The following PKD1 variants were observed in gnomAD, a reference collection of about 807,000 sequenced individuals.
PKD1 encodes the protein polycystin 1, transient receptor potential channel interacting, also known as polycystin-1.
Under a neutral mutation model 361.7 loss-of-function variants are expected in PKD1, and 81 were observed. That is an observed-to-expected ratio of 0.22 (90% confidence interval 0.19 to 0.27). The LOEUF is 0.27. PKD1 is among the 10% of genes least tolerant of loss of function. The probability of loss-of-function intolerance (pLI) is 1.00; values close to 1 mark genes in which losing one functional copy is unlikely to be tolerated. For missense variants in PKD1, 6,399 were observed against 6,118.3 expected, an observed-to-expected ratio of 1.05 and a Z score of -1.53; for synonymous variants, 3,615 against 2,818.3, an observed-to-expected ratio of 1.28 and a Z score of -8.95.
In PKD1 at chr16:2,118,998, C is replaced by G; in HGVS notation, c.359+116G>C. 1.1e-6 allele frequency: 1 copy of G among 909,470 alleles called. No homozygotes were observed. 56.3% of individuals were successfully genotyped at this position (909,470 alleles called of 1,614,324 possible). A position where few individuals can be genotyped will look rare whatever the true frequency, so the allele number is the denominator to read the frequency against. On this transcript the variant is annotated intron_variant, in intron 3 of 45. Transcript: ENST00000262304. This position sits in a 1 kb window ranked among gnomAD's most constrained non-coding sequence, Gnocchi z 6.0. ...TGGGGGGCTCCAAGCAGGCAGTGAA[C>G]TGCCCCCAGGATCTGGTCTCAAGCC...
intron 1 of PKD1, among the ~76,000 whole-genome samples, chr16:2,126,721 C>T (rs535165704): frequency 7.9e-5 from 12 of 152,358 alleles, no homozygotes; most frequent in South Asian, 2.1e-4. Context: ...GCTGGGCTGC[C>T]GTGGCCACTG....
chr16:2,097,627 T>G, intron 32 of PKD1, 101 bp downstream of exon 32: 2 of 1,610,454 alleles, frequency 1.2e-6, no homozygotes, highest in Non-Finnish European at 8.5e-7. Context: ...TGTGACCACA[T>G]GGAGCCACAG....
chr16:2,116,799 A>G, intron 7 of PKD1, 34 bp downstream of exon 7: 2 of 1,315,248 alleles, frequency 1.5e-6, no homozygotes, highest in South Asian at 2.5e-5. Context: ...AACCACAGCC[A>G]GCGTCTCAGG....
rs1041239286 is a variant in PKD1 at position 2,100,053 on chromosome 16, C to T, written c.9731G>A (p.Arg3244His). ...VLAASDAALL[R>H]FRRLLVAELQ... ...CTCAGCCACCAGCAGGCGCCGGAAGCGCAAAAGGGCTGCGTCGCCTAGAAG... is the reference window on the plus strand; with the variant it reads ...CTCAGCCACCAGCAGGCGCCGGAAGTGCAAAAGGGCTGCGTCGCCTAGAAG... Residue 3244 changes from arginine to histidine, a missense_variant, in exon 29 of 46, where the codon CGC becomes CAC. Arg to His is a conservative substitution (Grantham distance 29). Transcript: ENST00000262304. The surrounding 1 kb of genome is among the most constrained non-coding windows in gnomAD (Gnocchi z 4.4). 6.9e-6 allele frequency: 11 copies of T among 1,594,076 alleles called. No individual in the cohort carries two copies. The highest frequency in any genetic ancestry group is 1.8e-5 in the Admixed American group (1 of 56,688).
chr16:2,130,756 C>A (rs1333095494), intron 1 of PKD1, among the ~76,000 whole-genome samples: 1 of 152,240 alleles, frequency 6.6e-6, no homozygotes, highest in East Asian at 1.9e-4. Context: ...TCTGCGCCTG[C>A]TGTCCCTACA....
At chr16:2,097,118 T>C in intron 34 of PKD1, 30 bp downstream of exon 34, 1 of 1,206,962 alleles carries the variant, frequency 8.3e-7, no homozygotes, top group Middle Eastern at 2.7e-4. Context: ...CCTCTGGCAA[T>C]CCCCCCTCCC....
At chr16:2,126,591 T>C (rs972373634) in intron 1 of PKD1, among the ~76,000 whole-genome samples, 6 of 152,270 alleles carry the variant, frequency 3.9e-5, no homozygotes, top group Admixed American at 1.3e-4. Flanking sequence ...AGGGAGACTG[T>C]GGCGCCCCCG....
At chr16:2,104,664 C>T in intron 21 of PKD1, 22 bp from the exon 22 acceptor site, 8 of 1,410,652 alleles carry the variant, frequency 5.7e-6, no homozygotes, top group Non-Finnish European at 5.9e-6. Flanking sequence ...CAGCAGTGTC[C>T]AGCCCCGCTC....
intron 16 of PKD1, chr16:2,107,620 G>A (rs1461292750): frequency 1.7e-4 from 93 of 563,446 alleles, no homozygotes; most frequent in Non-Finnish European, 4.9e-5. Context: ...GGTGGGAAGG[G>A]GCTCTTCCTC....
At chr16:2,124,740 T>C (rs1255760170) in intron 1 of PKD1, among the ~76,000 whole-genome samples, 3 of 152,072 alleles carry the variant, frequency 2.0e-5, no homozygotes, top group South Asian at 2.1e-4. Flanking sequence ...CAGCAGCGGG[T>C]GTGCGCCAGG....
At chr16:2,114,102 C>A (rs2092587201) in intron 11 of PKD1, 68 bp downstream of exon 11, 1 of 1,317,774 alleles carries the variant, frequency 7.6e-7, no homozygotes. Flanking sequence ...AGGCCTCACG[C>A]CCTGTGTGAG....
Position 2,090,546 on chromosome 16 carries a change from G to C in PKD1, c.12183C>G (p.Ala4061=). 6.2e-7 allele frequency: 1 copy of C among 1,610,098 alleles called. No individual in the cohort carries two copies. Among genetic ancestry groups the C allele is most frequent in the Admixed American group, 1.7e-5 (1 of 59,904 alleles). ...CAGTCCCAGGGCACAGCACCAACAG[G>C]GCCTGGGCCACGCTCCAGAGGGAGT... ...CVDSLWSVAQ[A]LLVLCPGTGL... Residue 4061 remains alanine (A), a synonymous_variant, in exon 45 of 46, where the codon GCC becomes GCG. Transcript: ENST00000262304.
rs975603252 is a variant in PKD1 at position 2,099,811 on chromosome 16, G to A, written c.9924-41C>T. 8.4e-6 allele frequency: 13 copies of A among 1,554,440 alleles called. No homozygotes were observed. In the African/African-American group the frequency reaches 1.6e-4, roughly 20 times the overall value. On this transcript the variant is annotated intron_variant, in intron 29 of 45. Coordinates refer to ENST00000262304, the MANE Select transcript of PKD1 (RefSeq NM_001009944.3). ...GAGGCCACACAGGTGAGGCTGAGGG[G>A]CAGGAAGGGCTGGGCAGGAAGAGGC...
chr16:2,098,445 A>G (rs1433373173), intron 30 of PKD1, among the ~76,000 whole-genome samples: 3 of 149,702 alleles, frequency 2.0e-5, no homozygotes, highest in African/African-American at 7.4e-5. Flanking sequence ...TCCTGACCTC[A>G]AGTGATCTGC....
chr16:2,104,530 G>C lies in PKD1; in HGVS notation c.8129C>G (p.Thr2710Ser). 2 of 1,567,596 alleles carry C rather than the reference G, an allele frequency of 1.3e-6. No homozygotes were observed. The highest frequency in any genetic ancestry group is 8.7e-7 in the Non-Finnish European group (1 of 1,155,820). ...AETTAGTVTP[T>S]AIGDSILNIT... is the part of the protein sequence containing the mutation. Reference sequence around the variant, plus strand: ...GTTGAGGATGCTGTCTCCGATGGCGGTGGGCGTCACGGTGCCCGCGGTGGT... The same window carrying C: ...GTTGAGGATGCTGTCTCCGATGGCGCTGGGCGTCACGGTGCCCGCGGTGGT... Residue 2710 changes from threonine (T) to serine (S), a missense_variant, in exon 22 of 46, where the codon ACC becomes AGC. By Grantham distance (58) the Thr-to-Ser change is moderately conservative. Coordinates refer to ENST00000262304, the MANE Select transcript of PKD1 (RefSeq NM_001009944.3).
In PKD1 at chr16:2,115,353, A is replaced by G. The variant is rs1184158080; in HGVS notation, c.2097+25T>C. ...AAGGTGGCCTGAGGAGATGCAGGGA[A>G]CAGACCCAGGTCAGGGCCACACACC... On this transcript the variant is annotated intron_variant, in intron 10 of 45. Transcript: ENST00000262304. 5.4e-6 allele frequency: 8 copies of G among 1,483,448 alleles called. No individual in the cohort carries two copies. In the East Asian group the frequency reaches 1.7e-4, roughly 32 times the overall value. 91.9% of individuals were successfully genotyped at this position (1,483,448 alleles called of 1,614,324 possible). A position where few individuals can be genotyped will look rare whatever the true frequency, so the allele number is the denominator to read the frequency against.
At position 2,109,653 on chromosome 16, in the gene PKD1, G is replaced by C. The variant is rs1309374149; in HGVS notation, c.5514C>G (p.Cys1838Trp). 5.7e-6 allele frequency: 9 copies of C among 1,592,346 alleles called. No individual in the cohort carries two copies. Among genetic ancestry groups the C allele is most frequent in the Non-Finnish European group, 7.7e-6 (9 of 1,170,406 alleles). ...TGCTGCTGCCGCCGGGCACAGCCCA[G>C]CACCAGCTCACATTGGTGCCCGTGG... ...QLATGTNVSW[C>W]WAVPGGSSKR... Residue 1838 changes from cysteine (C) to tryptophan (W), a missense_variant, in exon 15 of 46, where the codon TGC (cysteine) becomes TGG (tryptophan). Cys to Trp is a radical substitution (Grantham distance 215). Coordinates refer to ENST00000262304, the MANE Select transcript of PKD1 (RefSeq NM_001009944.3).
Position 2,135,741 on chromosome 16 carries a change from G to A in PKD1, c.-52C>T, listed in dbSNP as rs1051951834. 2,447 of 964,924 alleles carry A rather than the reference G, an allele frequency of 2.5e-3. 33 individuals are homozygous for A. The African/African-American group carries it at 0.036, about 14-fold the overall frequency. 59.8% of individuals were successfully genotyped at this position (964,924 alleles called of 1,614,324 possible). ...GCCGTCCCCAGGCCCGCCCGCGCGC[G>A]GAGGCCGCAGCTCAGGCGGGGCCCG... On this transcript the variant is annotated 5_prime_UTR_variant, in exon 1 of 46. Transcript: ENST00000262304.
At chr16:2,121,458 G>A (rs1480045859) in intron 1 of PKD1, among the ~76,000 whole-genome samples, 2 of 152,094 alleles carry the variant, frequency 1.3e-5, no homozygotes, top group Non-Finnish European at 2.9e-5. Context: ...AGAAAAACCA[G>A]GCAATTAGAA....
Sources: allele counts gnomAD v4.1 joint callset (sites outside exome capture counted in the v4.1 genomes callset), GRCh38; gene constraint gnomAD v4.1.1; non-coding constraint Gnocchi (gnomAD v3.1); transcripts MANE v1.5; gene names NCBI Gene and HGNC (gene_info 2026-07-23, HGNC 2026-07-21).